PLEK: variants seen among roughly 807,000 people sequenced by gnomAD.
PLEK encodes the protein platelet 47 kDa protein.
Under a neutral mutation model 43.9 loss-of-function variants are expected in PLEK, and 25 were observed. The ratio of observed to expected loss-of-function variants is 0.57; its 90% confidence interval spans 0.41 to 0.79. The LOEUF (loss-of-function observed/expected upper bound fraction) is 0.79, where lower values mean the gene tolerates loss of function less well. Among genes scored for constraint, PLEK ranks in the 30% least tolerant of loss-of-function variants. The pLI is 0.00. For missense variants in PLEK, 396 were observed against 413.3 expected (o/e 0.96, Z 0.36); for synonymous variants, 152 against 144.4 (o/e 1.05, Z -0.38).
At chr2:68,379,384 C>T (rs977355570) in intron 1 of PLEK, among the ~76,000 whole-genome samples, 2 of 152,054 alleles carry the variant, frequency 1.3e-5, no homozygotes, top group Non-Finnish European at 2.9e-5. Context: ...ACTAACCCTC[C>T]CAAGAATTGA....
At chr2:68,395,555 A>G (rs1673947153) in intron 8 of PLEK, 125 bp from the exon 9 acceptor site, 1 of 955,976 alleles carries the variant, frequency 1.0e-6, no homozygotes, top group Non-Finnish European at 1.7e-6. Context: ...TGTATGTTTG[A>G]AAGCCACATA....
intron 1 of PLEK, among the ~76,000 whole-genome samples, chr2:68,379,912 CATGAGGAAATA>C (rs1177792072): frequency 6.6e-6 from 1 of 152,072 alleles, no homozygotes; most frequent in Non-Finnish European, 1.5e-5. Context: ...TAAAGAACTA[CATGAGGAAATA>C]TATAACAAAG....
chr2:68,388,230 A>G (rs1673786209), intron 5 of PLEK, 157 bp from the exon 6 acceptor site: 3 of 557,470 alleles, frequency 5.4e-6, no homozygotes, highest in South Asian at 4.6e-5. Flanking sequence ...AAACTCGCTC[A>G]TCAAGGACCT....
intron 1 of PLEK, among the ~76,000 whole-genome samples, chr2:68,370,901 T>C (rs1456476286): frequency 6.6e-6 from 1 of 152,220 alleles, no homozygotes; most frequent in Admixed American, 6.5e-5. Context: ...ATAGACTTCA[T>C]AGAGACCAAA....
intron 8 of PLEK, 72 bp downstream of exon 8, chr2:68,394,248 A>T: frequency 6.9e-6 from 6 of 867,216 alleles, no homozygotes; most frequent in Non-Finnish European, 1.2e-5. Flanking sequence ...ATCCTGGGCC[A>T]ACATTAATCA....
chr2:68,382,844 T>C (rs1673654782), intron 4 of PLEK, among the ~76,000 whole-genome samples: 1 of 152,192 alleles, frequency 6.6e-6, no homozygotes. Flanking sequence ...CTTTATTTGT[T>C]CAAGTTAACA....
chr2:68,391,219 G>A (rs772837272), intron 6 of PLEK, among the ~76,000 whole-genome samples: 8 of 149,146 alleles, frequency 5.4e-5, no homozygotes, highest in Non-Finnish European at 8.9e-5. Context: ...TCTTCAACAC[G>A]TCACATTGTG....
chr2:68,378,964 C>T (rs1401996865), intron 1 of PLEK, among the ~76,000 whole-genome samples: 1 of 151,882 alleles, frequency 6.6e-6, no homozygotes, highest in Non-Finnish European at 1.5e-5. Flanking sequence ...CCCGTCTTTA[C>T]TGAAAAAAAT....
chr2:68,391,735 A>G (rs1673862834), intron 6 of PLEK, among the ~76,000 whole-genome samples: 1 of 152,228 alleles, frequency 6.6e-6, no homozygotes, highest in Admixed American at 6.5e-5. Flanking sequence ...AATGTTGGAA[A>G]ATTTGTATAC....
rs1454665516 is a variant in PLEK at position 68,365,348 on chromosome 2, C to T, written c.-4C>T. On this transcript the variant is annotated 5_prime_UTR_variant, in exon 1 of 9. Transcript: ENST00000234313. ...TGACCTTTGCATCTGCCTGTCCAGC[C>T]AGCATGGAACCAAAGCGGATCAGAG... The T allele has an allele frequency of 6.2e-7, 1 of 1,613,584 alleles. No individual in the cohort carries two copies. The highest frequency in any genetic ancestry group is 1.3e-5 in the African/African-American group (1 of 74,916).
intron 6 of PLEK, among the ~76,000 whole-genome samples, chr2:68,389,452 A>G (rs1017226402): frequency 6.6e-6 from 1 of 152,174 alleles, no homozygotes; most frequent in African/African-American, 2.4e-5. Flanking sequence ...ATTTCATGTT[A>G]GGACCCTGAA....
At chr2:68,367,358 A>G (rs1229759204) in intron 1 of PLEK, among the ~76,000 whole-genome samples, 1 of 151,854 alleles carries the variant, frequency 6.6e-6, no homozygotes, top group Non-Finnish European at 1.5e-5. Flanking sequence ...TGTACAGATC[A>G]TTTTGTTACC....
chr2:68,377,162 C>T (rs10183178), intron 1 of PLEK, among the ~76,000 whole-genome samples: 80,446 of 152,036 alleles, frequency 0.53, 22,877 homozygotes, highest in East Asian at 0.76. Context: ...TCTTTATCCA[C>T]TCATCTGTTG....
Position 68,365,338 on chromosome 2 carries a change from C to T in PLEK, c.-14C>T, listed in dbSNP as rs1361798647. The T allele has an allele frequency of 6.2e-7, 1 of 1,613,020 alleles. No individual in the cohort carries two copies. Among genetic ancestry groups the T allele is most frequent in the Admixed American group, 1.7e-5 (1 of 59,972 alleles). On this transcript the variant is annotated 5_prime_UTR_variant, in exon 1 of 9. Coordinates refer to ENST00000234313, the MANE Select transcript of PLEK (RefSeq NM_002664.3). ...TGCCTGAGAGTGACCTTTGCATCTG[C>T]CTGTCCAGCCAGCATGGAACCAAAG... is the stretch of plus-strand genomic sequence containing the variant.
chr2:68,368,776 C>G (rs1025204348), intron 1 of PLEK, among the ~76,000 whole-genome samples: 1 of 152,206 alleles, frequency 6.6e-6, no homozygotes, highest in African/African-American at 2.4e-5. Flanking sequence ...TCAAACCAGC[C>G]TAATTCCTAG....
intron 1 of PLEK, among the ~76,000 whole-genome samples, chr2:68,366,231 T>C (rs2103752143): frequency 6.6e-6 from 1 of 152,350 alleles, no homozygotes; most frequent in Admixed American, 6.5e-5. Context: ...ACGTAGTGCC[T>C]TCCTTCAGGT....
chr2:68,366,812 A>G (rs1673282996), intron 1 of PLEK, among the ~76,000 whole-genome samples: 1 of 152,250 alleles, frequency 6.6e-6, no homozygotes. Flanking sequence ...CACTTGTGCT[A>G]GTATCCTGAG....
intron 1 of PLEK, among the ~76,000 whole-genome samples, chr2:68,378,100 A>C (rs1371504429): frequency 6.6e-6 from 1 of 152,230 alleles, no homozygotes; most frequent in Non-Finnish European, 1.5e-5. Flanking sequence ...TACATTATTC[A>C]CATATAAGCA....
At chr2:68,371,918 T>G (rs973742361) in intron 1 of PLEK, among the ~76,000 whole-genome samples, 2 of 152,212 alleles carry the variant, frequency 1.3e-5, no homozygotes, top group Non-Finnish European at 2.9e-5. Context: ...CTGTATCTTA[T>G]TTAATTTCAA....
Sources: gnomAD v4.1 joint callset for allele counts (sites outside exome capture counted in the v4.1 genomes callset) on GRCh38, gnomAD v4.1.1 for gene constraint, MANE v1.5 for transcripts, NCBI Gene and HGNC (gene_info 2026-07-23, HGNC 2026-07-21) for gene names.